The following MEGF11 variants were observed in gnomAD, a reference collection of about 807,000 sequenced individuals.
The protein encoded by MEGF11 is multiple EGF like domains 11, also known as multiple epidermal growth factor-like domains protein 11.
A neutral mutation model predicts 146.6 loss-of-function variants in MEGF11; 126 were observed. That is an observed-to-expected ratio of 0.86 (90% CI 0.74 to 1.00). The LOEUF (loss-of-function observed/expected upper bound fraction) is 1.00. Among genes scored for constraint, MEGF11 ranks in the 50% least tolerant of loss-of-function variants. The pLI, the probability that MEGF11 is intolerant of heterozygous loss-of-function variation, is 0.00. For missense variants in MEGF11, 1,509 were observed against 1,521.2 expected (o/e 0.99, Z 0.13); for synonymous variants, 532 against 583.4 (o/e 0.91, Z 1.27).
chr15:66,118,149 T>C (rs1446521663), intron 4 of MEGF11, among the ~76,000 whole-genome samples: 2 of 152,104 alleles, frequency 1.3e-5, no homozygotes, highest in Non-Finnish European at 2.9e-5. Flanking sequence ...AACGAGGGCC[T>C]CCCAGCTCCT....
intron 24 of MEGF11, chr15:65,902,522 TGA>T (rs2078519902): frequency 6.6e-6 from 1 of 152,264 alleles, no homozygotes; most frequent in Admixed American, 6.5e-5. Flanking sequence ...GTTCTCCAGC[TGA>T]GTCATCCACC....
At chr15:66,215,815 C>T (rs753098645) in intron 1 of MEGF11, among the ~76,000 whole-genome samples, 40 of 152,292 alleles carry the variant, frequency 2.6e-4, no homozygotes, top group African/African-American at 3.9e-4. Context: ...AGGACTGCAC[C>T]CTGAGAGGAA....
intron 1 of MEGF11, among the ~76,000 whole-genome samples, chr15:66,136,340 G>A (rs1436893666): frequency 3.3e-5 from 5 of 152,120 alleles, no homozygotes; most frequent in Non-Finnish European, 7.3e-5. Context: ...TCTTTTGTGT[G>A]CTCCATTCCA....
intron 2 of MEGF11, among the ~76,000 whole-genome samples, 156 bp downstream of exon 2, chr15:66,128,150 T>A (rs2088464768): frequency 1.3e-5 from 2 of 152,126 alleles, no homozygotes; most frequent in Non-Finnish European, 2.9e-5. Flanking sequence ...AATCTACACA[T>A]CTCTGTCCTG....
At chr15:66,066,970 G>A (rs1400028150) in intron 5 of MEGF11, among the ~76,000 whole-genome samples, 1 of 152,216 alleles carries the variant, frequency 6.6e-6, no homozygotes, top group East Asian at 1.9e-4. Flanking sequence ...GTGGTCACAG[G>A]GGGAGCTAAT....
At chr15:65,966,704 C>A (rs1251485606) in intron 8 of MEGF11, among the ~76,000 whole-genome samples, 3 of 152,104 alleles carry the variant, frequency 2.0e-5, no homozygotes. Context: ...ACCTTTGTGT[C>A]CTGTGTGTGT....
chr15:65,970,509 T>C, intron 8 of MEGF11, 44 bp downstream of exon 8: 2 of 1,592,638 alleles, frequency 1.3e-6, no homozygotes, highest in Non-Finnish European at 8.6e-7. Context: ...CCTATGAATA[T>C]GAGTAAAATG....
At chr15:65,898,356 A>AT in intron 25 of MEGF11, 2 of 985,404 alleles carry the variant, frequency 2.0e-6, no homozygotes, top group Non-Finnish European at 2.4e-6. Context: ...CAGGGACATA[A>AT]ACTGGGAGAA....
At chr15:66,176,688 G>A (rs897451279) in intron 1 of MEGF11, among the ~76,000 whole-genome samples, 4 of 152,060 alleles carry the variant, frequency 2.6e-5, no homozygotes, top group African/African-American at 9.7e-5. Context: ...TTTGGAAAGC[G>A]CTTCATCTTG....
chr15:65,941,372 C>T lies in MEGF11; in HGVS notation c.1288-10429G>A, dbSNP rs762537783. ...CTGAGGCACGAGAACAGCTTAAACC[C>T]GGGAGGCGGAGATTGCAGTGAACCA... On this transcript the variant is annotated intron_variant, in intron 10 of 25. Transcript: ENST00000395614. Among the ~76,000 whole-genome samples the T allele has an allele frequency of 5.9e-5, 9 of 152,088 alleles. No homozygotes were observed. In the South Asian group the frequency reaches 6.2e-4, roughly 11 times the overall value.
At position 65,913,752 on chromosome 15, in the gene MEGF11, C is replaced by T. The variant is rs143461663; in HGVS notation, c.2695G>A (p.Asp899Asn). The change falls in exon 20 of 26, where the codon GAC (aspartate) becomes AAC (asparagine). Residue 899 changes from aspartate to asparagine, a missense_variant. By Grantham distance (23) the Asp-to-Asn change is conservative (BLOSUM62 1). Transcript: ENST00000395614. ...YTPAMRMTST[D>N]YSLSDLSQSS... ...TGGCCCTTACCTGAGAGGGAGTAGT[C>T]GGTGCTGGTCATCCTCATGGCAGGT... The T allele has an allele frequency of 1.0e-3, 1,640 of 1,612,356 alleles. 3 individuals are homozygous for T. Among genetic ancestry groups the T allele is most frequent in the Admixed American group, 2.2e-3 (129 of 59,702 alleles).
chr15:66,217,175 T>A (rs756174832), intron 1 of MEGF11, among the ~76,000 whole-genome samples: 3 of 152,242 alleles, frequency 2.0e-5, no homozygotes, highest in Admixed American at 6.5e-5. Flanking sequence ...GGGGCATGTC[T>A]AGAACAAGAC....
At chr15:66,134,250 T>C (rs1389691142) in intron 1 of MEGF11, among the ~76,000 whole-genome samples, 1 of 151,988 alleles carries the variant, frequency 6.6e-6, no homozygotes, top group Non-Finnish European at 1.5e-5. Flanking sequence ...GCCTCTGAAT[T>C]CTGGGCCCTC....
intron 9 of MEGF11, among the ~76,000 whole-genome samples, chr15:65,958,749 C>T (rs1009737170): frequency 1.3e-5 from 2 of 152,238 alleles, no homozygotes; most frequent in Non-Finnish European, 2.9e-5. Flanking sequence ...GTCCCAGCCT[C>T]CTCAGCTTCC....
chr15:65,943,260 G>A (rs2080072466), intron 10 of MEGF11, among the ~76,000 whole-genome samples: 1 of 152,124 alleles, frequency 6.6e-6, no homozygotes, highest in South Asian at 2.1e-4. Context: ...TTACAGGCAT[G>A]AGCCACCACG....
intron 1 of MEGF11, among the ~76,000 whole-genome samples, chr15:66,212,620 C>T (rs971561776): frequency 6.6e-6 from 1 of 152,236 alleles, no homozygotes; most frequent in Admixed American, 6.5e-5. Flanking sequence ...ACAGAGCCCC[C>T]CAGTAACACA....
chr15:65,964,866 C>A, intron 9 of MEGF11, 42 bp downstream of exon 9: 1 of 1,492,274 alleles, frequency 6.7e-7, no homozygotes, highest in Non-Finnish European at 9.0e-7. Context: ...TACCTGAGCA[C>A]CCCCCGCCCT....
intron 5 of MEGF11, among the ~76,000 whole-genome samples, chr15:66,059,006 T>C (rs571401296): frequency 6.6e-6 from 1 of 152,302 alleles, no homozygotes; most frequent in Non-Finnish European, 1.5e-5. Context: ...GGGTTGATCC[T>C]TCCCCTGCTA....
At chr15:65,906,230 C>T in intron 23 of MEGF11, 89 bp from the exon 24 acceptor site, 3 of 865,068 alleles carry the variant, frequency 3.5e-6, no homozygotes, top group Non-Finnish European at 5.6e-6. Context: ...TTGCTTTTCC[C>T]CCCCCTTCTC....
Sources: gnomAD v4.1 joint callset for allele counts (sites outside exome capture counted in the v4.1 genomes callset) on GRCh38, gnomAD v4.1.1 for gene constraint, MANE v1.5 for transcripts, NCBI Gene and HGNC (gene_info 2026-07-23, HGNC 2026-07-21) for gene names.